GALNT13: variants seen among roughly 807,000 people sequenced by gnomAD.
GALNT13 encodes the protein UDP-GalNAc:polypeptide N-acetylgalactosaminyltransferase 13.
Under a neutral mutation model 64.2 loss-of-function variants are expected in GALNT13, and 28 were observed. That is an observed-to-expected ratio of 0.44 (90% CI 0.32 to 0.60). The LOEUF (loss-of-function observed/expected upper bound fraction) is 0.60, where lower values mean the gene tolerates loss of function less well. Among genes scored for constraint, GALNT13 ranks in the 20% least tolerant of loss-of-function variants. The probability of loss-of-function intolerance (pLI) is 0.05; values close to 1 mark genes in which losing one functional copy is unlikely to be tolerated. For missense variants in GALNT13, 577 were observed against 669.8 expected (o/e 0.86, Z 1.53); for synonymous variants, 214 against 224.6 (o/e 0.95, Z 0.42).
chr2:154,169,783 G>A (rs1318111497), intron 4 of GALNT13, among the ~76,000 whole-genome samples: 2 of 152,100 alleles, frequency 1.3e-5, no homozygotes, highest in South Asian at 2.1e-4. Context: ...GCAGCACATC[G>A]TAGCTTCATA....
the GALNT13 span, among the ~76,000 whole-genome samples, chr2:153,780,906 T>C: frequency 2.0e-5 from 3 of 152,152 alleles, no homozygotes; most frequent in Non-Finnish European, 4.4e-5. Flanking sequence ...ACTTACAGTT[T>C]AATGGGTAAG....
At chr2:153,181,030 C>CTTTTTTTTTTTTTTTTTTTTTTTTTGTTT in the GALNT13 span, among the ~76,000 whole-genome samples, 1 of 32,100 alleles carries the variant, frequency 3.1e-5, no homozygotes, top group African/African-American at 1.4e-4. Flanking sequence ...TTTATTGTTT[C>CTTTTTTTTTTTTTTTTTTTTTTTTTGTTT]TTTTTTTTTT....
At chr2:153,219,482 G>A in the GALNT13 span, among the ~76,000 whole-genome samples, 3 of 152,198 alleles carry the variant, frequency 2.0e-5, no homozygotes, top group Non-Finnish European at 1.5e-5. Flanking sequence ...TCCCAGAAGA[G>A]CAGCTGTCTC....
intron 10 of GALNT13, among the ~76,000 whole-genome samples, chr2:154,405,838 G>A (rs1699510389): frequency 6.6e-6 from 1 of 152,228 alleles, no homozygotes; most frequent in East Asian, 1.9e-4. Flanking sequence ...AAGATACATT[G>A]TAGGAAATCT....
chr2:153,836,685 G>T, the GALNT13 span, among the ~76,000 whole-genome samples: 1 of 132,958 alleles, frequency 7.5e-6, no homozygotes, highest in South Asian at 2.3e-4. Flanking sequence ...GGTCCCCAGA[G>T]TGTGATGTTC....
intron 3 of GALNT13, among the ~76,000 whole-genome samples, chr2:153,993,793 TC>T (rs1389329226): frequency 2.0e-5 from 3 of 152,078 alleles, no homozygotes; most frequent in Non-Finnish European, 4.4e-5. Context: ...TGACTTTTAT[TC>T]TTTTACTTTT....
chr2:153,378,210 C>A, the GALNT13 span, among the ~76,000 whole-genome samples: 16 of 151,560 alleles, frequency 1.1e-4, no homozygotes, highest in Admixed American at 1.1e-3. Context: ...ATGTATTATA[C>A]AGAGCCAATG....
At chr2:154,259,636 A>C (rs925828877) in intron 8 of GALNT13, among the ~76,000 whole-genome samples, 1 of 152,222 alleles carries the variant, frequency 6.6e-6, no homozygotes, top group Admixed American at 6.5e-5. Flanking sequence ...AAGCAACTTC[A>C]TTTAATAAAT....
intron 3 of GALNT13, among the ~76,000 whole-genome samples, chr2:153,986,044 A>G (rs1694775498): frequency 6.6e-6 from 1 of 152,046 alleles, no homozygotes; most frequent in African/African-American, 2.4e-5. Context: ...GCTAGATAGT[A>G]TTATCAGTGA....
At chr2:153,749,788 T>A in the GALNT13 span, among the ~76,000 whole-genome samples, 6 of 152,002 alleles carry the variant, frequency 3.9e-5, no homozygotes, top group African/African-American at 1.4e-4. Flanking sequence ...TAAGGATAAT[T>A]TGACTTTGTC....
At chr2:154,220,173 C>T (rs890699274) in intron 4 of GALNT13, among the ~76,000 whole-genome samples, 1 of 152,138 alleles carries the variant, frequency 6.6e-6, no homozygotes, top group East Asian at 1.9e-4. Context: ...TCAATGAGTA[C>T]TAGAATCATG....
intron 9 of GALNT13, among the ~76,000 whole-genome samples, chr2:154,370,202 T>C (rs2105308221): frequency 6.6e-6 from 1 of 152,260 alleles, no homozygotes; most frequent in East Asian, 1.9e-4. Flanking sequence ...GGGGGATTTA[T>C]ATATAGGTAG....
chr2:153,676,849 CA>C, the GALNT13 span, among the ~76,000 whole-genome samples: 1 of 152,060 alleles, frequency 6.6e-6, no homozygotes, highest in East Asian at 1.9e-4. Flanking sequence ...TAAATAGCCT[CA>C]ATGACCTAAC....
the GALNT13 span, among the ~76,000 whole-genome samples, chr2:153,744,717 T>A: frequency 9.9e-5 from 15 of 152,124 alleles, no homozygotes; most frequent in African/African-American, 3.1e-4. Context: ...TCTGCCTTCT[T>A]CTCACTAGAG....
intron 3 of GALNT13, among the ~76,000 whole-genome samples, chr2:153,995,219 A>G (rs966010128): frequency 6.6e-6 from 1 of 152,108 alleles, no homozygotes; most frequent in African/African-American, 2.4e-5. Context: ...TTAATGTAAA[A>G]CCCACATATT....
chr2:153,779,608 T>G, the GALNT13 span, among the ~76,000 whole-genome samples: 1 of 152,182 alleles, frequency 6.6e-6, no homozygotes, highest in Non-Finnish European at 1.5e-5. Flanking sequence ...AGCAGGAATT[T>G]CAATGTTAGT....
the GALNT13 span, among the ~76,000 whole-genome samples, chr2:153,206,248 T>C: frequency 6.6e-6 from 1 of 152,054 alleles, no homozygotes; most frequent in Non-Finnish European, 1.5e-5. Context: ...TTGGTGTAAA[T>C]TGAATCTGAC....
the GALNT13 span, among the ~76,000 whole-genome samples, chr2:153,439,794 C>T: frequency 1.3e-5 from 2 of 152,112 alleles, no homozygotes; most frequent in South Asian, 2.1e-4. Flanking sequence ...TTCCCTGCTT[C>T]GGCTCACACA....
At chr2:154,356,639 A>G (rs1696765999) in intron 9 of GALNT13, among the ~76,000 whole-genome samples, 1 of 151,828 alleles carries the variant, frequency 6.6e-6, no homozygotes, top group Non-Finnish European at 1.5e-5. Context: ...TATATGTCCA[A>G]TATATTCTAC....
Sources: gnomAD v4.1 joint callset for allele counts (sites outside exome capture counted in the v4.1 genomes callset) on GRCh38, gnomAD v4.1.1 for gene constraint, MANE v1.5 for transcripts, NCBI Gene and HGNC (gene_info 2026-07-23, HGNC 2026-07-21) for gene names.